Variants in F13A1 observed in about 807,000 individuals in gnomAD.
The protein encoded by F13A1 is coagulation factor XIII A chain, also known as FSF, A subunit.
F13A1 carries 47 observed loss-of-function variants against 80.1 expected under a neutral mutation model. The ratio of observed to expected loss-of-function variants is 0.59; its 90% CI spans 0.46 to 0.75. F13A1 has a LOEUF of 0.75. F13A1 is among the 30% of genes least tolerant of loss of function. The pLI, the probability that F13A1 is intolerant of heterozygous loss-of-function variation, is 0.00. For synonymous variants in F13A1, 349 were observed against 344.9 expected (o/e 1.01, Z -0.13); for missense variants, 817 against 930.4 (o/e 0.88, Z 1.59).
rs148213694 is a variant in F13A1 at position 6,286,003 on chromosome 6, C to T, written c.320-19194G>A. ...ACTAGTAAACGCACTGTGCATGCTC[C>T]GCTTCTAAGCGCTAGCAGGCCACTG... On this transcript the variant is annotated intron_variant, in intron 3 of 14. Coordinates refer to ENST00000264870, the MANE Select transcript of F13A1 (RefSeq NM_000129.4). Among the ~76,000 whole-genome samples, 10 of 152,350 alleles carry T rather than the reference C, an allele frequency of 6.6e-5. No homozygotes were observed. The East Asian group carries it at 1.5e-3, about 23-fold the overall frequency.
chr6:6,315,805 T>C (rs1473114401), intron 2 of F13A1, among the ~76,000 whole-genome samples: 2 of 151,936 alleles, frequency 1.3e-5, no homozygotes, highest in Non-Finnish European at 2.9e-5. Context: ...GCCAAAGTCA[T>C]CATCCGCAGA....
At chr6:6,283,461 C>G (rs1004317403) in intron 3 of F13A1, among the ~76,000 whole-genome samples, 1 of 152,172 alleles carries the variant, frequency 6.6e-6, no homozygotes, top group Non-Finnish European at 1.5e-5. Context: ...TGTCTTTGCT[C>G]ATAGGTAGTA....
At chr6:6,171,121 C>T (rs1760764870) in intron 12 of F13A1, among the ~76,000 whole-genome samples, 1 of 152,116 alleles carries the variant, frequency 6.6e-6, no homozygotes, top group African/African-American at 2.4e-5. Flanking sequence ...AGACAGGACA[C>T]TTGTGAGGTG....
At chr6:6,202,182 T>C (rs1309374711) in intron 8 of F13A1, among the ~76,000 whole-genome samples, 1 of 150,842 alleles carries the variant, frequency 6.6e-6, no homozygotes, top group African/African-American at 2.5e-5. Flanking sequence ...GTATATTTGA[T>C]CTCAAACACT....
intron 13 of F13A1, among the ~76,000 whole-genome samples, chr6:6,152,542 A>G (rs1451029110): frequency 1.3e-5 from 2 of 152,208 alleles, no homozygotes; most frequent in African/African-American, 2.4e-5. Context: ...GAGTTGATCT[A>G]TTATGACTCT....
chr6:6,158,252 G>A (rs959773270), intron 13 of F13A1, among the ~76,000 whole-genome samples: 15 of 152,114 alleles, frequency 9.9e-5, no homozygotes, highest in African/African-American at 2.7e-4. Context: ...GCACACAGTG[G>A]TGCTATTCCA....
intron 4 of F13A1, among the ~76,000 whole-genome samples, chr6:6,254,806 T>C (rs1482117320): frequency 6.6e-6 from 1 of 152,106 alleles, no homozygotes; most frequent in East Asian, 1.9e-4. Flanking sequence ...TACAACAAAA[T>C]GTTAATTGTT....
intron 3 of F13A1, among the ~76,000 whole-genome samples, chr6:6,273,261 T>C (rs923011515): frequency 2.0e-5 from 3 of 152,216 alleles, no homozygotes; most frequent in Admixed American, 2.0e-4. Context: ...ATAGCTCCCA[T>C]AGAATGTCAC....
intron 4 of F13A1, among the ~76,000 whole-genome samples, chr6:6,258,130 A>G (rs1206410875): frequency 6.6e-6 from 1 of 152,122 alleles, no homozygotes; most frequent in Non-Finnish European, 1.5e-5. Context: ...AATGCCAGAT[A>G]CTGATGGCTT....
intron 3 of F13A1, among the ~76,000 whole-genome samples, chr6:6,275,068 C>T (rs1419445749): frequency 1.3e-5 from 2 of 152,088 alleles, no homozygotes; most frequent in Admixed American, 6.6e-5. Flanking sequence ...GGTGAGATTA[C>T]ATTTTAGAAA....
Position 6,303,617 on chromosome 6 carries a change from G to A in F13A1, c.319+1734C>T, listed in dbSNP as rs184427886. Among the ~76,000 whole-genome samples, 11 of 152,204 alleles carry A rather than the reference G, an allele frequency of 7.2e-5. No homozygotes were observed. In the East Asian group the frequency reaches 2.1e-3, roughly 29 times the overall value. On this transcript the variant is annotated intron_variant, in intron 3 of 14. Coordinates refer to ENST00000264870, the MANE Select transcript of F13A1 (RefSeq NM_000129.4). ...TTATTAACTATAGTCACCATGCTGTGGAATAGGTCACTAAAACTCATTCCT... is the reference window on the plus strand; with the variant it reads ...TTATTAACTATAGTCACCATGCTGTAGAATAGGTCACTAAAACTCATTCCT...
At chr6:6,220,231 G>T (rs1757172366) in intron 8 of F13A1, among the ~76,000 whole-genome samples, 1 of 152,180 alleles carries the variant, frequency 6.6e-6, no homozygotes, top group African/African-American at 2.4e-5. Flanking sequence ...AGGAGTCTCG[G>T]GCAGTGGTCT....
chr6:6,156,876 A>T (rs1038417026), intron 13 of F13A1, among the ~76,000 whole-genome samples: 13 of 152,202 alleles, frequency 8.5e-5, no homozygotes, highest in Admixed American at 8.5e-4. Flanking sequence ...TGGCTACTGC[A>T]TTGGATGGAG....
At chr6:6,221,129 C>A (rs777781191) in intron 8 of F13A1, among the ~76,000 whole-genome samples, 9 of 152,190 alleles carry the variant, frequency 5.9e-5, no homozygotes, top group Non-Finnish European at 1.3e-4. Context: ...CAATGCCTGA[C>A]CACAGAGGAA....
chr6:6,167,471 T>A lies in F13A1; in HGVS notation c.1895A>T (p.Glu632Val). Residue 632 changes from glutamate to valine, a missense_variant, in exon 13 of 15, where the codon GAG (glutamate) becomes GTG (valine). Glu to Val is a moderately radical substitution (Grantham distance 121). Coordinates refer to ENST00000264870, the MANE Select transcript of F13A1 (RefSeq NM_000129.4). ...GCTAAGACTGACCTTGATGATGATC[T>A]CAGGGATGGTTAGCACGGTGGACTT... Reference protein sequence around the residue: ...KQKSTVLTIPEIIIKVRGTQV... With the variant: ...KQKSTVLTIPVIIIKVRGTQV... The A allele has an allele frequency of 6.2e-7, 1 of 1,614,050 alleles. No individual in the cohort carries two copies.
chr6:6,238,102 TA>T (rs1757436213), intron 6 of F13A1, among the ~76,000 whole-genome samples: 1 of 152,196 alleles, frequency 6.6e-6, no homozygotes, highest in South Asian at 2.1e-4. Flanking sequence ...GGTATTGTCA[TA>T]AGGACATACA....
chr6:6,299,651 T>G (rs1446118180), intron 3 of F13A1, among the ~76,000 whole-genome samples: 1 of 140,010 alleles, frequency 7.1e-6, no homozygotes, highest in East Asian at 2.0e-4. Context: ...TACATTCTTC[T>G]AAATTTTTTT....
intron 3 of F13A1, among the ~76,000 whole-genome samples, chr6:6,294,526 A>T (rs989632097): frequency 6.0e-5 from 9 of 149,392 alleles, no homozygotes; most frequent in African/African-American, 2.2e-4. Flanking sequence ...CACAACACTC[A>T]CACACACACA....
intron 1 of F13A1, 21 bp from the exon 2 acceptor site, chr6:6,318,703 G>T: frequency 9.2e-7 from 1 of 1,086,180 alleles, no homozygotes. Context: ...AAAAAAAAAA[G>T]AAGACAACAG....
Sources: gnomAD v4.1 joint callset for allele counts (sites outside exome capture counted in the v4.1 genomes callset) on GRCh38, gnomAD v4.1.1 for gene constraint, MANE v1.5 for transcripts, NCBI Gene and HGNC (gene_info 2026-07-23, HGNC 2026-07-21) for gene names.